The following NOTCH1 variants were observed in gnomAD, a reference collection of about 807,000 sequenced individuals.
NOTCH1 encodes the protein notch receptor 1.
In NOTCH1, 37 loss-of-function variants were observed where a neutral mutation model predicts 254.8. The observed-to-expected ratio is 0.15, with a 90% CI of 0.11 to 0.19. NOTCH1 has a LOEUF of 0.19. NOTCH1 is among the 10% of genes least tolerant of loss of function. The pLI is 1.00. For missense variants in NOTCH1, 2,972 were observed against 3,708.6 expected (o/e 0.80, Z 5.16); for synonymous variants, 1,731 against 1,618.1 (o/e 1.07, Z -1.68).
chr9:136,504,597 G>A (rs536765165), intron 26 of NOTCH1, 76 bp downstream of exon 26: 19 of 1,397,516 alleles, frequency 1.4e-5, no homozygotes, highest in African/African-American at 7.3e-5. Flanking sequence ...GGCGCCGGCC[G>A]TGAGGGGCAG....
rs1479554234 is a variant in NOTCH1 at position 136,515,357 on chromosome 9, G to A, written c.1947C>T (p.Pro649=). 1 of 1,613,066 alleles carries A rather than the reference G, an allele frequency of 6.2e-7. No individual in the cohort carries two copies. The highest frequency in any genetic ancestry group is 2.2e-5 in the East Asian group (1 of 44,886). The change falls in exon 12 of 34, where the codon CCC becomes CCT. Residue 649 remains proline, a synonymous_variant. Transcript: ENST00000651671. ...TGTCCAGACAGGTGCCCGAGTCGCA[G>A]GGGCTGCTGGCACAGTCATCCAGGT... ...EINLDDCASS[P]CDSGTCLDKI...
chr9:136,522,450 T>C (rs1843386981), intron 4 of NOTCH1, among the ~76,000 whole-genome samples: 1 of 152,180 alleles, frequency 6.6e-6, no homozygotes, highest in Non-Finnish European at 1.5e-5. Flanking sequence ...ACCAGCAGGA[T>C]GGCAGGAAGG....
chr9:136,535,106 C>T lies in NOTCH1; in HGVS notation c.140+8918G>A, dbSNP rs113154344. 9.3e-3 allele frequency among the ~76,000 whole-genome samples: 1,402 copies of T among 151,266 alleles called. 4 individuals are homozygous for T. Among genetic ancestry groups the T allele is most frequent in the Non-Finnish European group, 0.015 (1,037 of 67,738 alleles). ...ATTGCAGGAACCACAGCAGGGCAGC[C>T]CCACAGACCTGAGGGAACCGCTGCC... On this transcript the variant is annotated intron_variant, in intron 2 of 33. Coordinates refer to ENST00000651671, the MANE Select transcript of NOTCH1 (RefSeq NM_017617.5).
rs1291448624 is a variant in NOTCH1, at chr9:136,545,271, C to G, written c.61+455G>C. Among the ~76,000 whole-genome samples the G allele has an allele frequency of 6.6e-6, 1 of 152,166 alleles. No individual in the cohort carries two copies. The highest frequency in any genetic ancestry group is 1.9e-4 in the East Asian group (1 of 5,188). On this transcript the variant is annotated intron_variant, in intron 1 of 33. Transcript: ENST00000651671. The surrounding 1 kb of genome is among the most constrained non-coding windows in gnomAD (Gnocchi z 6.8). ...CGAACGCGGCGCCGCAGAGCCCACA[C>G]TCCGCGCCCCAACATCCGCCCCGGC...
At chr9:136,543,169 G>A (rs910609352) in intron 2 of NOTCH1, 2 of 163,418 alleles carry the variant, frequency 1.2e-5, no homozygotes, top group African/African-American at 2.4e-5. Flanking sequence ...GGGGCAAACA[G>A]AGAGCCCAAA....
At position 136,500,801 on chromosome 9, in the gene NOTCH1, C is replaced by T. The variant is rs1060504521; in HGVS notation, c.5685G>A (p.Leu1895=). 2.5e-6 allele frequency: 4 copies of T among 1,600,054 alleles called. No individual in the cohort carries two copies. Among genetic ancestry groups the T allele is most frequent in the Middle Eastern group, 1.7e-4 (1 of 5,748 alleles). Residue 1895 remains leucine (L), a synonymous_variant, in exon 31 of 34, where the codon CTG becomes CTA. Transcript: ENST00000651671. ...CCTCTTCCTCGCTGTTGCCCGTCTC[C>T]AGGCCGCCCCCGCTGCAGGAGGCGA... ...LMIASCSGGG[L]ETGNSEEEED... is the part of the protein sequence containing the mutation.
intron 15 of NOTCH1, 74 bp from the exon 16 acceptor site, chr9:136,511,345 G>A: frequency 6.6e-7 from 1 of 1,523,608 alleles, no homozygotes; most frequent in Non-Finnish European, 8.8e-7. Context: ...CCGCCTGCTG[G>A]TCTTTCCGCC....
chr9:136,500,472 C>T, intron 31 of NOTCH1, 80 bp downstream of exon 31: 3 of 1,554,666 alleles, frequency 1.9e-6, no homozygotes, highest in South Asian at 2.2e-5. Context: ...GCTCCCAGGG[C>T]CACGTAAGCC....
intron 26 of NOTCH1, among the ~76,000 whole-genome samples, chr9:136,503,751 C>T (rs1212040215): frequency 1.3e-5 from 2 of 152,322 alleles, no homozygotes; most frequent in South Asian, 2.1e-4. Context: ...GTGAGGCTGG[C>T]TGGGGGTGAG....
At chr9:136,510,274 C>A (rs1388919882) in intron 17 of NOTCH1, among the ~76,000 whole-genome samples, 2 of 152,174 alleles carry the variant, frequency 1.3e-5, no homozygotes, top group Admixed American at 6.5e-5. Flanking sequence ...CAGGTGATGC[C>A]AGCAAGACCC....
rs762389418 is a variant in NOTCH1, at chr9:136,523,112, G to A, written c.480C>T (p.Ala160=). 3.1e-6 allele frequency: 5 copies of A among 1,602,354 alleles called. No homozygotes were observed. The highest frequency in any genetic ancestry group is 1.7e-5 in the Admixed American group (1 of 58,732). ...ANGGQCLPFE[A]SYICHCPPSF... The stretch of plus-strand genomic sequence containing the variant: ...TGGGTGGGCAGTGGCAGATGTAGGA[G>A]GCCTCGAAGGGCAGGCACTGGCCAC... The change falls in exon 4 of 34, where the codon GCC becomes GCT. Residue 160 remains alanine (A), a synonymous_variant. Transcript: ENST00000651671.
At chr9:136,509,225 C>T (rs1358985347) in intron 18 of NOTCH1, among the ~76,000 whole-genome samples, 154 bp from the exon 19 acceptor site, 2 of 152,208 alleles carry the variant, frequency 1.3e-5, no homozygotes, top group Non-Finnish European at 2.9e-5. Flanking sequence ...CCAGGGAGGC[C>T]AGTGGGAACC....
rs1384939359 is a variant in NOTCH1, at chr9:136,515,763, C to T, written c.1670-47G>A. The T allele has an allele frequency of 4.0e-6, 6 of 1,496,956 alleles. No individual in the cohort carries two copies. In the East Asian group the frequency reaches 9.8e-5, roughly 25 times the overall value. The allele number at this position is 1,496,956 out of a possible 1,614,324, so 92.7% of individuals were successfully genotyped here. A position where few individuals can be genotyped will look rare whatever the true frequency, so the allele number is the denominator to read the frequency against. ...CACAGGAAGACTTAGGACTGGCGGC[C>T]CCCGGGACACCCATGACCAGACCTG... On this transcript the variant is annotated intron_variant, in intron 10 of 33. Transcript: ENST00000651671.
intron 2 of NOTCH1, chr9:136,542,970 C>T (rs1171792178): frequency 6.5e-6 from 1 of 153,158 alleles, no homozygotes; most frequent in Admixed American, 6.5e-5. Context: ...TTCCGCACGA[C>T]TTCCCGGCCC....
At chr9:136,532,410 C>A (rs933271639) in intron 2 of NOTCH1, among the ~76,000 whole-genome samples, 2 of 152,164 alleles carry the variant, frequency 1.3e-5, no homozygotes, top group Non-Finnish European at 2.9e-5. Flanking sequence ...CCACACATGA[C>A]CTCGATCAAA....
At chr9:136,502,953 C>G in intron 27 of NOTCH1, 1 of 701,404 alleles carries the variant, frequency 1.4e-6, no homozygotes, top group Non-Finnish European at 2.6e-6. Context: ...AGCAGGCACC[C>G]ACTTTCCCGT....
chr9:136,505,400 T>G lies in NOTCH1; in HGVS notation c.4496A>C (p.Tyr1499Ser), dbSNP rs780991391. 1 of 1,612,526 alleles carries G rather than the reference T, an allele frequency of 6.2e-7. No homozygotes were observed. The highest frequency in any genetic ancestry group is 1.7e-5 in the Admixed American group (1 of 59,990). Residue 1499 changes from tyrosine (Y) to serine (S), a missense_variant, in exon 25 of 34, where the codon TAC becomes TCC. Physicochemically the swap from Tyr to Ser is moderately radical, Grantham distance 144. Around this residue, in one of 8 missense-constraint regions of NOTCH1, gnomAD observed 1,343 missense variants for 1,557.0 expected, o/e 0.86. Transcript: ENST00000651671. ...GCTGTCACAGTGGCCGTCACTGAAG[T>G]ACTTCCAGCACTGCAGAGACTGCGT... ...NCTQSLQCWK[Y>S]FSDGHCDSQC...
chr9:136,534,862 G>GC (rs1371672408), intron 2 of NOTCH1, among the ~76,000 whole-genome samples: 11 of 21,298 alleles, frequency 5.2e-4, no homozygotes, highest in Admixed American at 3.2e-3. Flanking sequence ...TCCCCACAGA[G>GC]CCCCCAGTCC....
intron 19 of NOTCH1, 148 bp from the exon 20 acceptor site, chr9:136,508,533 C>A: frequency 1.7e-6 from 2 of 1,166,610 alleles, no homozygotes; most frequent in Non-Finnish European, 2.5e-6. Flanking sequence ...CTCCCCACCA[C>A]CCCCACACCA....
Sources: gnomAD v4.1 joint callset for allele counts (sites outside exome capture counted in the v4.1 genomes callset) on GRCh38, gnomAD v4.1.1 for gene constraint, gnomAD v4.1.1 regional missense constraint, Gnocchi (gnomAD v3.1) non-coding constraint, MANE v1.5 for transcripts, NCBI Gene and HGNC (gene_info 2026-07-23, HGNC 2026-07-21) for gene names.